Variants in TOP2A observed in about 807,000 individuals in gnomAD.
TOP2A encodes DNA topoisomerase 2-alpha.
In TOP2A, 68 loss-of-function variants were observed where a neutral mutation model predicts 187.2. That is an observed-to-expected ratio of 0.36 (90% CI 0.30 to 0.44). The LOEUF (loss-of-function observed/expected upper bound fraction) is 0.44, where lower values mean the gene tolerates loss of function less well. TOP2A is among the 20% of genes least tolerant of loss of function. The pLI is 1.00. For missense variants in TOP2A, 1,196 were observed against 1,808.7 expected, an observed-to-expected ratio of 0.66 and a Z score of 6.14; for synonymous variants, 542 against 593.2, an observed-to-expected ratio of 0.91 and a Z score of 1.25.
intron 1 of TOP2A, chr17:40,417,547 G>A (rs2035407760): frequency 1.3e-5 from 19 of 1,428,010 alleles, no homozygotes; most frequent in Non-Finnish European, 1.6e-5. Context: ...CTAGAAACAG[G>A]GCAACAACGC....
chr17:40,416,390 G>C, intron 3 of TOP2A, 32 bp downstream of exon 3: 1 of 1,311,210 alleles, frequency 7.6e-7, no homozygotes, highest in Non-Finnish European at 1.1e-6. Flanking sequence ...TGAAAGATTT[G>C]ACCAGATCTT....
intron 31 of TOP2A, 21 bp from the exon 32 acceptor site, chr17:40,392,132 C>A (rs1050768549): frequency 6.2e-7 from 1 of 1,607,726 alleles, no homozygotes; most frequent in Non-Finnish European, 8.5e-7. Flanking sequence ...AAAAAAAAAT[C>A]CTGACAACCA....
chr17:40,392,196 C>G (rs764182417), intron 31 of TOP2A, 22 bp downstream of exon 31: 2 of 1,612,402 alleles, frequency 1.2e-6, no homozygotes, highest in East Asian at 4.5e-5. Context: ...ATGACAAAAC[C>G]CATATTAGAT....
At chr17:40,396,570 TA>T in intron 27 of TOP2A, 105 bp from the exon 28 acceptor site, 1 of 1,389,854 alleles carries the variant, frequency 7.2e-7, no homozygotes, top group Non-Finnish European at 9.8e-7. Context: ...TCTTAAAAAC[TA>T]GTGATAAATT....
chr17:40,404,990 CTTTTT>C (rs1265795492), intron 16 of TOP2A, 107 bp from the exon 17 acceptor site: 25 of 544,404 alleles, frequency 4.6e-5, no homozygotes, highest in Non-Finnish European at 5.6e-5. Flanking sequence ...TACTGTTTTC[CTTTTT>C]TTTTTTTTTT....
chr17:40,390,291 C>T lies in TOP2A; in HGVS notation c.4268-127G>A, dbSNP rs1421533304. The stretch of plus-strand genomic sequence containing the variant: ...GCAACCTCTGCCTCCTGGGTTCAAG[C>T]GATTCTCCTGCCTCAGCCTCCTGAG... On this transcript the variant is annotated intron_variant, in intron 33 of 34. Transcript: ENST00000423485. 7.5e-5 allele frequency: 62 copies of T among 828,642 alleles called. No homozygotes were observed. In the East Asian group the frequency reaches 1.2e-3, roughly 16 times the overall value. The allele number at this position is 828,642 out of a possible 1,614,324, so 51.3% of individuals were successfully genotyped here.
At chr17:40,391,680 A>C in intron 32 of TOP2A, 40 bp from the exon 33 acceptor site, 1 of 1,501,396 alleles carries the variant, frequency 6.7e-7, no homozygotes, top group Non-Finnish European at 8.9e-7. Context: ...ACATTTAAGC[A>C]ACACATGAAA....
rs959719089 is a variant in TOP2A, at chr17:40,413,550, A to G, written c.408T>C (p.Tyr136=). ...PVVEHKVEKM[Y]VPALIFGQLL... ...GCTGTCCAAATATGAGAGCTGGGAC[A>G]TACATCTTTTCAACTTTGTGTTCAA... Residue 136 remains tyrosine (Y), a synonymous_variant, in exon 5 of 35, where the codon TAT becomes TAC. Coordinates refer to ENST00000423485, the MANE Select transcript of TOP2A (RefSeq NM_001067.4). The G allele has an allele frequency of 3.3e-6, 5 of 1,535,588 alleles. No individual in the cohort carries two copies. The African/African-American group carries it at 6.9e-5, about 21-fold the overall frequency.
In TOP2A at chr17:40,411,125, T is replaced by G. The variant is rs759355547; in HGVS notation, c.1187A>C (p.Glu396Ala). 5 of 1,604,862 alleles carry G rather than the reference T, an allele frequency of 3.1e-6. No individual in the cohort carries two copies. In the Admixed American group the frequency reaches 5.2e-5, roughly 17 times the overall value. The change falls in exon 10 of 35, where the codon GAA becomes GCA. Residue 396 changes from glutamate to alanine, a missense_variant. Glu to Ala is a moderately radical substitution (Grantham distance 107). Coordinates refer to ENST00000423485, the MANE Select transcript of TOP2A (RefSeq NM_001067.4). The surrounding 1 kb of genome is among the most constrained non-coding windows in gnomAD (Gnocchi z 4.4). ...KSFGSTCQLS[E>A]KFIKAAIGCG... ...AGTACTCACAGCTTTGATAAATTTT[T>G]CACTCAATTGGCATGTTGATCCAAA...
chr17:40,408,425 T>C lies in TOP2A; in HGVS notation c.1342+67A>G, dbSNP rs550054633. The C allele has an allele frequency of 6.3e-5, 90 of 1,432,812 alleles. 1 individual carries two copies. The African/African-American group carries it at 1.2e-3, about 20-fold the overall frequency. 88.8% of individuals were successfully genotyped at this position (1,432,812 alleles called of 1,614,324 possible). ...TCAAGGGAAAAATAAATATCCGTGGTATGCCATTAATGAATAAAATAACAA... is the reference window on the plus strand; with the variant it reads ...TCAAGGGAAAAATAAATATCCGTGGCATGCCATTAATGAATAAAATAACAA... On this transcript the variant is annotated intron_variant, in intron 11 of 34. Coordinates refer to ENST00000423485, the MANE Select transcript of TOP2A (RefSeq NM_001067.4).
At chr17:40,401,176 C>T (rs1344184501) in intron 20 of TOP2A, 95 bp from the exon 21 acceptor site, 3 of 1,021,512 alleles carry the variant, frequency 2.9e-6, no homozygotes, top group Admixed American at 2.6e-5. Context: ...TGAAAATTAT[C>T]TTGGTTTTAC....
rs1432399173 is a variant in TOP2A, at chr17:40,389,571, GC to G, written c.4543del (p.Ala1515GlnfsTer5). The G allele has an allele frequency of 9.4e-6, 15 of 1,602,680 alleles. No individual in the cohort carries two copies. The highest frequency in any genetic ancestry group is 1.2e-5 in the Non-Finnish European group (14 of 1,174,292). On this transcript the variant is annotated frameshift_variant, in exon 35 of 35. Coordinates refer to ENST00000423485, the MANE Select transcript of TOP2A (RefSeq NM_001067.4). LOFTEE classifies it high-confidence loss of function. The stretch of plus-strand genomic sequence containing the variant: ...TTCCAGGTACTTTATAGGTTTCTTT[GC>G]CCGTACAGATTTTGCCCGAGGAGCC... Reference protein sequence around the residue: ...AVAPRAKSVRAKKPIKYLEES... With the variant: ...AVAPRAKSVRXKKPIKYLEES...
chr17:40,394,501 T>G (rs2035065785), intron 29 of TOP2A, among the ~76,000 whole-genome samples: 1 of 152,074 alleles, frequency 6.6e-6, no homozygotes, highest in Admixed American at 6.6e-5. Context: ...CTCAACTAAT[T>G]TTTGTATTTT....
Position 40,390,215 on chromosome 17 carries a change from G to T in TOP2A, c.4268-51C>A, listed in dbSNP as rs1038394104. ...ACAGCTGCTCTTTTTTTGAGATGGGGTCTCACTCTATCGTCCAGGCTGGAG... is the reference window on the plus strand; with the variant it reads ...ACAGCTGCTCTTTTTTTGAGATGGGTTCTCACTCTATCGTCCAGGCTGGAG... On this transcript the variant is annotated intron_variant, in intron 33 of 34. Transcript: ENST00000423485. 27 of 1,508,002 alleles carry T rather than the reference G, an allele frequency of 1.8e-5. No homozygotes were observed. In the East Asian group the frequency reaches 5.1e-4, roughly 29 times the overall value. The allele number at this position is 1,508,002 out of a possible 1,614,324, so 93.4% of individuals were successfully genotyped here.
chr17:40,409,931 CA>C (rs1555581547), intron 10 of TOP2A: 21 of 177,750 alleles, frequency 1.2e-4, no homozygotes, highest in South Asian at 2.7e-4. Context: ...AATACAACAA[CA>C]AAAAAATTAG....
Position 40,412,787 on chromosome 17 carries a change from T to C in TOP2A, c.761A>G (p.Lys254Arg). 6.2e-7 allele frequency: 1 copy of C among 1,613,936 alleles called. No individual in the cohort carries two copies. The highest frequency in any genetic ancestry group is 8.5e-7 in the Non-Finnish European group (1 of 1,179,820). ...YDIAGSTKDV[K>R]VFLNGNKLPV... ...CAGTTTATTTCCATTAAGAAAGACT[T>C]TGACATCTTTGGTGGATCCAGCAAT... The change falls in exon 7 of 35, where the codon AAA becomes AGA. Residue 254 changes from lysine to arginine, a missense_variant. This residue lies in a region of TOP2A where 252 missense variants were observed against 434.8 expected (regional missense o/e 0.58). Coordinates refer to ENST00000423485, the MANE Select transcript of TOP2A (RefSeq NM_001067.4).
chr17:40,409,189 C>T (rs1264398725), intron 10 of TOP2A: 14 of 223,500 alleles, frequency 6.3e-5, no homozygotes, highest in Admixed American at 1.4e-4. Context: ...AGTGAAACTC[C>T]GTCTCAAAAA....
At chr17:40,399,799 C>T (rs2035152813) in intron 24 of TOP2A, 73 bp downstream of exon 24, 2 of 1,363,034 alleles carry the variant, frequency 1.5e-6, no homozygotes, top group Non-Finnish European at 2.0e-6. Context: ...CACCATTACT[C>T]TCACCAAAAA....
Position 40,396,396 on chromosome 17 carries a change from T to C in TOP2A, c.3607A>G (p.Lys1203Glu), listed in dbSNP as rs1287262198. Residue 1203 changes from lysine (K) to glutamate (E), a missense_variant, in exon 28 of 35, where the codon AAA becomes GAA. Transcript: ENST00000423485. ...LPGKGGKAKG[K>E]KTQMAEVLPS... Reference sequence around the variant, plus strand: ...AAAACTTCAGCCATTTGTGTTTTTTTCCCCTTGGCCTTCCCCCCTTTCCCA... The same window carrying C: ...AAAACTTCAGCCATTTGTGTTTTTTCCCCCTTGGCCTTCCCCCCTTTCCCA... 1.9e-6 allele frequency: 3 copies of C among 1,613,924 alleles called. No homozygotes were observed. Among genetic ancestry groups the C allele is most frequent in the East Asian group, 2.2e-5 (1 of 44,900 alleles).
Sources: allele counts gnomAD v4.1 joint callset (sites outside exome capture counted in the v4.1 genomes callset), GRCh38; gene constraint gnomAD v4.1.1; regional missense constraint gnomAD v4.1.1; non-coding constraint Gnocchi (gnomAD v3.1); transcripts MANE v1.5; gene names NCBI Gene and HGNC (gene_info 2026-07-23, HGNC 2026-07-21).